The following OR4D9 variants were observed in gnomAD, a reference collection of about 807,000 sequenced individuals.
OR4D9 encodes the protein olfactory receptor 4D9.
A neutral mutation model predicts 0.8 loss-of-function variants in OR4D9; 2 were observed. That is an observed-to-expected ratio of 2.58 (90% confidence interval 1.06 to 8.13). OR4D9 has a LOEUF of 8.13. OR4D9 is among the 30% of genes most tolerant of loss of function. The pLI is 0.04. For synonymous variants in OR4D9, 146 were observed against 151.2 expected, an observed-to-expected ratio of 0.97 and a Z score of 0.25; for missense variants, 399 against 384.7, an observed-to-expected ratio of 1.04 and a Z score of -0.31.
chr11:59,512,476 CAAAAAA>C (rs908219759), intron 1 of OR4D9, among the ~76,000 whole-genome samples: 1 of 50,492 alleles, frequency 2.0e-5, no homozygotes, highest in East Asian at 6.2e-4. Context: ...GACTCCATCT[CAAAAAA>C]AAAAAAAAAA....
At chr11:59,513,641 T>A (rs1859360249) in intron 1 of OR4D9, among the ~76,000 whole-genome samples, 1 of 152,158 alleles carries the variant, frequency 6.6e-6, no homozygotes, top group South Asian at 2.1e-4. Flanking sequence ...GAAGAAATTA[T>A]AATCAGTGCT....
At chr11:59,513,749 A>G (rs1388179534) in intron 1 of OR4D9, among the ~76,000 whole-genome samples, 1 of 152,142 alleles carries the variant, frequency 6.6e-6, no homozygotes, top group African/African-American at 2.4e-5. Context: ...CCTGGGTAAC[A>G]TAGGGAGACC....
At position 59,515,601 on chromosome 11, in the gene OR4D9, G is replaced by T. The variant is rs776465012; in HGVS notation, c.689G>T (p.Gly230Val). 1.9e-6 allele frequency: 3 copies of T among 1,613,822 alleles called. No individual in the cohort carries two copies. In the African/African-American group the frequency reaches 4.0e-5, roughly 22 times the overall value. Residue 230 changes from glycine to valine, a missense_variant, in exon 3 of 3, where the codon GGG (glycine) becomes GTG (valine). Gly to Val is a moderately radical substitution (Grantham distance 109). Coordinates refer to ENST00000641962, the MANE Select transcript of OR4D9 (RefSeq NM_001004711.2). ...TTGATGATGCTGAGGTCTCACACTG[G>T]GGAAGGCAGGAGGAAAGCCATCTCC... ...VILMMLRSHT[G>V]EGRRKAISTC...
chr11:59,513,461 G>T (rs1327387206), intron 1 of OR4D9, among the ~76,000 whole-genome samples: 1 of 152,194 alleles, frequency 6.6e-6, no homozygotes, highest in Non-Finnish European at 1.5e-5. Flanking sequence ...ATGGAAGAGT[G>T]CATACTCTTT....
chr11:59,515,680 T>A lies in OR4D9; in HGVS notation c.768T>A (p.Tyr256Ter). The A allele has an allele frequency of 6.2e-7, 1 of 1,614,196 alleles. No homozygotes were observed. Among genetic ancestry groups the A allele is most frequent in the Non-Finnish European group, 8.5e-7 (1 of 1,180,038 alleles). Residue 256 changes from tyrosine to a stop codon, truncating the protein, a stop_gained, in exon 3 of 3, where the codon TAT becomes TAA. Transcript: ENST00000641962. LOFTEE classifies it high-confidence loss of function. ...VVTLHFVPCIYVYARPFTALP... is the reference protein window; with the variant it reads ...VVTLHFVPCI ...CCCTGCATTTCGTGCCCTGCATCTA[T>A]GTCTATGCCCGGCCCTTCACTGCCC...
Position 59,519,001 on chromosome 11 carries a change from G to A in OR4D9, c.*3144G>A, listed in dbSNP as rs970999208. 5 of 152,038 alleles carry A rather than the reference G, an allele frequency of 3.3e-5. No homozygotes were observed. Among genetic ancestry groups the A allele is most frequent in the African/African-American group, 9.7e-5 (4 of 41,382 alleles). 9.4% of individuals were successfully genotyped at this position (152,038 alleles called of 1,614,324 possible). On this transcript the variant is annotated 3_prime_UTR_variant, in exon 3 of 3. Transcript: ENST00000641962. ...ATTCACTGCTAAGAAATCACAGTTG[G>A]GTTACATTACAAAGATTAAGACTTT...
chr11:59,512,776 G>A (rs1448151484), intron 1 of OR4D9, among the ~76,000 whole-genome samples: 2 of 151,972 alleles, frequency 1.3e-5, no homozygotes, highest in Non-Finnish European at 2.9e-5. Flanking sequence ...AGGTTGCAGT[G>A]AGCCACGACT....
chr11:59,513,793 C>A (rs1859362845), intron 1 of OR4D9, among the ~76,000 whole-genome samples: 1 of 151,894 alleles, frequency 6.6e-6, no homozygotes, highest in South Asian at 2.1e-4. Context: ...ATTATTCCAG[C>A]ATAAAAAAAT....
chr11:59,513,571 C>T lies in OR4D9; in HGVS notation c.-124-1102C>T, dbSNP rs74470347. Among the ~76,000 whole-genome samples the T allele has an allele frequency of 7.1e-3, 1,076 of 152,200 alleles. 9 individuals carry two copies. The highest frequency in any genetic ancestry group is 0.024 in the African/African-American group (996 of 41,506). On this transcript the variant is annotated intron_variant, in intron 1 of 2. Transcript: ENST00000641962. ...TCATTGCTGTATAGTATTGTGTGAA[C>T]GTAACACAGTTTATTTATCTTTTCT...
Position 59,515,673 on chromosome 11 carries a change from G to C in OR4D9, c.761G>C (p.Cys254Ser), listed in dbSNP as rs139978630. ...GTGGTGACCCTGCATTTCGTGCCCTGCATCTATGTCTATGCCCGGCCCTTC... is the reference window on the plus strand; with the variant it reads ...GTGGTGACCCTGCATTTCGTGCCCTCCATCTATGTCTATGCCCGGCCCTTC... ...ITVVTLHFVP[C>S]IYVYARPFTA... The change falls in exon 3 of 3, where the codon TGC (cysteine) becomes TCC (serine). Residue 254 changes from cysteine to serine, a missense_variant. Physicochemically the swap from Cys to Ser is moderately radical, Grantham distance 112. Coordinates refer to ENST00000641962, the MANE Select transcript of OR4D9 (RefSeq NM_001004711.2). 7.7e-3 allele frequency: 12,487 copies of C among 1,614,090 alleles called. 84 individuals carry two copies. The highest frequency in any genetic ancestry group is 9.7e-3 in the Non-Finnish European group (11,389 of 1,180,002).
chr11:59,520,628 A>G lies in OR4D9; in HGVS notation c.*4771A>G, dbSNP rs975929398. 6 of 152,160 alleles carry G rather than the reference A, an allele frequency of 3.9e-5. No individual in the cohort carries two copies. The highest frequency in any genetic ancestry group is 8.8e-5 in the Non-Finnish European group (6 of 68,016). 9.4% of individuals were successfully genotyped at this position (152,160 alleles called of 1,614,324 possible). On this transcript the variant is annotated 3_prime_UTR_variant, in exon 3 of 3. Coordinates refer to ENST00000641962, the MANE Select transcript of OR4D9 (RefSeq NM_001004711.2). The stretch of plus-strand genomic sequence containing the variant: ...AGTATAATAATAACAAAAAAAAGAA[A>G]AGATAAATGAAGTCAATTGAGGAGA...
At chr11:59,513,736 C>T (rs949901309) in intron 1 of OR4D9, among the ~76,000 whole-genome samples, 1 of 151,970 alleles carries the variant, frequency 6.6e-6, no homozygotes, top group Admixed American at 6.6e-5. Context: ...AGTTTGAGAC[C>T]AGCCTGGGTA....
Position 59,518,998 on chromosome 11 carries a change from T to G in OR4D9, c.*3141T>G, listed in dbSNP as rs537731972. The G allele has an allele frequency of 6.6e-6, 1 of 152,268 alleles. No individual in the cohort carries two copies. The highest frequency in any genetic ancestry group is 2.4e-5 in the African/African-American group (1 of 41,532). The allele number at this position is 152,268 out of a possible 1,614,324, so 9.4% of individuals were successfully genotyped here. On this transcript the variant is annotated 3_prime_UTR_variant, in exon 3 of 3. Coordinates refer to ENST00000641962, the MANE Select transcript of OR4D9 (RefSeq NM_001004711.2). ...AAGATTCACTGCTAAGAAATCACAG[T>G]TGGGTTACATTACAAAGATTAAGAC...
In OR4D9 at chr11:59,519,948, C is replaced by G. The variant is rs1449690971; in HGVS notation, c.*4091C>G. 1.3e-5 allele frequency: 2 copies of G among 152,108 alleles called. No homozygotes were observed. The highest frequency in any genetic ancestry group is 2.9e-5 in the Non-Finnish European group (2 of 68,020). The allele number at this position is 152,108 out of a possible 1,614,324, so 9.4% of individuals were successfully genotyped here. ...GGCCGTGATCCTAAGCAAATTAATG[C>G]AGGAACAAAAAATCGAATACCACAT... On this transcript the variant is annotated 3_prime_UTR_variant, in exon 3 of 3. Transcript: ENST00000641962.
In OR4D9 at chr11:59,520,027, G is replaced by A. The variant is rs1265175325; in HGVS notation, c.*4170G>A. 6.6e-6 allele frequency: 1 copy of A among 152,126 alleles called. No homozygotes were observed. Among genetic ancestry groups the A allele is most frequent in the African/African-American group, 2.4e-5 (1 of 41,414 alleles). The allele number at this position is 152,126 out of a possible 1,614,324, so 9.4% of individuals were successfully genotyped here. Reference sequence around the variant, plus strand: ...TCGATTTACACATGGACACAAAGATGGGAACAAAAGACACTGAGGCCTACT... The same window carrying A: ...TCGATTTACACATGGACACAAAGATAGGAACAAAAGACACTGAGGCCTACT... On this transcript the variant is annotated 3_prime_UTR_variant, in exon 3 of 3. Transcript: ENST00000641962.
Position 59,515,398 on chromosome 11 carries a change from A to G in OR4D9, c.486A>G (p.Leu162=), listed in dbSNP as rs989733707. 3.1e-6 allele frequency: 5 copies of G among 1,613,618 alleles called. No homozygotes were observed. In the Admixed American group the frequency reaches 5.0e-5, roughly 16 times the overall value. The change falls in exon 3 of 3, where the codon CTA becomes CTG. Residue 162 remains leucine, a synonymous_variant. Coordinates refer to ENST00000641962, the MANE Select transcript of OR4D9 (RefSeq NM_001004711.2). ...TCCACTCCATAGCGCAGATTTCTCT[A>G]TTGCTCCCACTCCCTTTCTGTGGAC... ...GFVHSIAQIS[L]LLPLPFCGPN...
chr11:59,515,818 G>A lies in OR4D9; in HGVS notation c.906G>A (p.Lys302=). The stretch of plus-strand genomic sequence containing the variant: ...TGAAGTTGGCCATGAGGAAACTGAA[G>A]AGACGGCTAGGACAATCAGAAAGGA... The part of the protein sequence containing the change: ...QEMKLAMRKL[K]RRLGQSERIL... The change falls in exon 3 of 3, where the codon AAG becomes AAA. Residue 302 remains lysine (K), a synonymous_variant. Coordinates refer to ENST00000641962, the MANE Select transcript of OR4D9 (RefSeq NM_001004711.2). 1.2e-6 allele frequency: 2 copies of A among 1,614,030 alleles called. No homozygotes were observed. Among genetic ancestry groups the A allele is most frequent in the Non-Finnish European group, 1.7e-6 (2 of 1,179,920 alleles).
At chr11:59,514,255 G>A (rs1008696483) in intron 1 of OR4D9, among the ~76,000 whole-genome samples, 5 of 152,202 alleles carry the variant, frequency 3.3e-5, no homozygotes, top group Non-Finnish European at 5.9e-5. Flanking sequence ...AGTTCCAACT[G>A]TTCCACATCT....
chr11:59,515,245 C>T lies in OR4D9; in HGVS notation c.333C>T (p.Asp111=), dbSNP rs149287111. Reference sequence around the variant, plus strand: ...TCTTCCACCTTCTGGGGGGAGCAGACGTTTTTTCTCTCTCTGTGATGGCGT... The same window carrying T: ...TCTTCCACCTTCTGGGGGGAGCAGATGTTTTTTCTCTCTCTGTGATGGCGT... ...MFFFHLLGGA[D]VFSLSVMAFD... The change falls in exon 3 of 3, where the codon GAC becomes GAT. Residue 111 remains aspartate, a synonymous_variant. Coordinates refer to ENST00000641962, the MANE Select transcript of OR4D9 (RefSeq NM_001004711.2). 214 of 1,613,332 alleles carry T rather than the reference C, an allele frequency of 1.3e-4. No homozygotes were observed. In the African/African-American group the frequency reaches 2.4e-3, roughly 18 times the overall value.
Sources: allele counts gnomAD v4.1 joint callset (sites outside exome capture counted in the v4.1 genomes callset), GRCh38; gene constraint gnomAD v4.1.1; transcripts MANE v1.5; gene names NCBI Gene and HGNC (gene_info 2026-07-23, HGNC 2026-07-21).